SLC15A5: variants seen among roughly 807,000 people sequenced by gnomAD.
The protein encoded by SLC15A5 is Peptide/histidine transporter ENSP00000340402.
Under a neutral mutation model 56.1 loss-of-function variants are expected in SLC15A5, and 58 were observed. The ratio of observed to expected loss-of-function variants is 1.03; its 90% confidence interval spans 0.84 to 1.29. SLC15A5 has a LOEUF of 1.29. Among genes scored for constraint, SLC15A5 ranks in the 50% most tolerant of loss-of-function variants. SLC15A5 has a pLI of 0.00. For synonymous variants in SLC15A5, 264 were observed against 250.5 expected (o/e 1.05, Z -0.51); for missense variants, 681 against 672.1 (o/e 1.01, Z -0.15).
chr12:16,207,302 A>C (rs1864029394), intron 7 of SLC15A5, among the ~76,000 whole-genome samples: 1 of 152,174 alleles, frequency 6.6e-6, no homozygotes, highest in Non-Finnish European at 1.5e-5. Context: ...ATATAACAAC[A>C]CTGATTTTTG....
At chr12:16,216,449 A>T (rs1348490583) in intron 7 of SLC15A5, among the ~76,000 whole-genome samples, 1 of 152,206 alleles carries the variant, frequency 6.6e-6, no homozygotes. Context: ...TTAAAATATC[A>T]TTTATTATTC....
intron 7 of SLC15A5, among the ~76,000 whole-genome samples, chr12:16,214,359 C>G (rs1316109017): frequency 1.3e-5 from 2 of 152,128 alleles, no homozygotes; most frequent in African/African-American, 2.4e-5. Context: ...CCCTCAGTCC[C>G]CACCTGATAG....
chr12:16,216,183 A>G (rs1304217392), intron 7 of SLC15A5, among the ~76,000 whole-genome samples: 1 of 152,202 alleles, frequency 6.6e-6, no homozygotes, highest in Non-Finnish European at 1.5e-5. Flanking sequence ...TTAAAATTAA[A>G]GATATATCGA....
chr12:16,220,220 C>T (rs1226086658), intron 6 of SLC15A5, among the ~76,000 whole-genome samples: 3 of 152,174 alleles, frequency 2.0e-5, no homozygotes, highest in African/African-American at 7.2e-5. Context: ...AGCTTTGAAG[C>T]TCATGTTATC....
In SLC15A5 at chr12:16,269,054, T is replaced by G. The variant is rs947521837; in HGVS notation, c.584+3507A>C. The stretch of plus-strand genomic sequence containing the variant: ...AAGACACAGTGAGAAGCCAGCAGTC[T>G]TACAGCCAGGAAGAGAACCCTCACC... On this transcript the variant is annotated intron_variant, in intron 2 of 8. Transcript: ENST00000344941. The surrounding 1 kb of genome is among the most constrained non-coding windows in gnomAD (Gnocchi z 4.7). Among the ~76,000 whole-genome samples, 1 of 151,868 alleles carries G rather than the reference T, an allele frequency of 6.6e-6. No individual in the cohort carries two copies. The highest frequency in any genetic ancestry group is 1.5e-5 in the Non-Finnish European group (1 of 67,988).
At chr12:16,255,713 T>C (rs1864565199) in intron 3 of SLC15A5, among the ~76,000 whole-genome samples, 1 of 152,074 alleles carries the variant, frequency 6.6e-6, no homozygotes, top group Admixed American at 6.5e-5. Context: ...TCTATCCATA[T>C]GGAACTGGTA....
chr12:16,205,795 G>A (rs1483835996), intron 7 of SLC15A5, among the ~76,000 whole-genome samples: 1 of 151,692 alleles, frequency 6.6e-6, no homozygotes, highest in Non-Finnish European at 1.5e-5. Context: ...TCTCTCTTTG[G>A]AGAAAGATGC....
At position 16,237,587 on chromosome 12, in the gene SLC15A5, G is replaced by C. The variant is rs1163381153; in HGVS notation, c.1162+2094C>G. Among the ~76,000 whole-genome samples, 1 of 152,218 alleles carries C rather than the reference G, an allele frequency of 6.6e-6. No individual in the cohort carries two copies. Among genetic ancestry groups the C allele is most frequent in the East Asian group, 1.9e-4 (1 of 5,204 alleles). On this transcript the variant is annotated intron_variant, in intron 5 of 8. Transcript: ENST00000344941. This position sits in a 1 kb window ranked among gnomAD's most constrained non-coding sequence, Gnocchi z 4.1. ...AAAAAAGTACTCTTCTTTAGGAAGA[G>C]ATGTGATTTCAAATATGCAGGAGTA...
At chr12:16,213,325 A>T (rs559555453) in intron 7 of SLC15A5, among the ~76,000 whole-genome samples, 2 of 152,176 alleles carry the variant, frequency 1.3e-5, no homozygotes, top group African/African-American at 4.8e-5. Flanking sequence ...ATTTATTATC[A>T]TTACTGAAAT....
chr12:16,212,986 A>T (rs935983606), intron 7 of SLC15A5, among the ~76,000 whole-genome samples: 1 of 152,176 alleles, frequency 6.6e-6, no homozygotes, highest in Admixed American at 6.5e-5. Context: ...CATAAGCAGG[A>T]TGCAACTGTG....
intron 3 of SLC15A5, among the ~76,000 whole-genome samples, chr12:16,248,488 T>C (rs1266674144): frequency 1.3e-5 from 2 of 151,878 alleles, no homozygotes; most frequent in African/African-American, 4.8e-5. Flanking sequence ...AGTGGTGAAG[T>C]AATAAACCTA....
At chr12:16,240,090 C>T (rs1405049544) in intron 4 of SLC15A5, among the ~76,000 whole-genome samples, 1 of 152,158 alleles carries the variant, frequency 6.6e-6, no homozygotes, top group African/African-American at 2.4e-5. Flanking sequence ...TCATGAAATA[C>T]TCTATCATCA....
intron 3 of SLC15A5, among the ~76,000 whole-genome samples, chr12:16,247,093 T>G (rs549855800): frequency 6.6e-6 from 1 of 152,328 alleles, no homozygotes; most frequent in East Asian, 1.9e-4. Context: ...TCTTAGTGTC[T>G]GTATTTATTT....
chr12:16,251,773 A>T (rs1421481177), intron 3 of SLC15A5, among the ~76,000 whole-genome samples: 1 of 121,328 alleles, frequency 8.2e-6, no homozygotes, highest in Non-Finnish European at 1.7e-5. Context: ...TTTTTCTTCA[A>T]CTCTTCCAAA....
At chr12:16,255,792 A>T (rs1864566241) in intron 3 of SLC15A5, among the ~76,000 whole-genome samples, 1 of 152,090 alleles carries the variant, frequency 6.6e-6, no homozygotes, top group Non-Finnish European at 1.5e-5. Flanking sequence ...TACTAAGTAA[A>T]AAAAAAGCAA....
At chr12:16,253,244 T>C (rs776832343) in intron 3 of SLC15A5, among the ~76,000 whole-genome samples, 24 of 151,704 alleles carry the variant, frequency 1.6e-4, no homozygotes, top group Admixed American at 4.6e-4. Context: ...GACATGACAA[T>C]AAAACACAGG....
At chr12:16,274,970 C>G (rs1392563399) in intron 1 of SLC15A5, among the ~76,000 whole-genome samples, 2 of 152,032 alleles carry the variant, frequency 1.3e-5, no homozygotes, top group East Asian at 3.9e-4. Context: ...AATTGTGTAT[C>G]TCATCATCAG....
intron 2 of SLC15A5, among the ~76,000 whole-genome samples, chr12:16,262,395 C>A (rs546164300): frequency 6.6e-6 from 1 of 152,212 alleles, no homozygotes; most frequent in South Asian, 2.1e-4. Context: ...GACTGGTAGT[C>A]CAAAGACATG....
intron 5 of SLC15A5, among the ~76,000 whole-genome samples, chr12:16,236,185 T>A (rs1864350322): frequency 6.6e-6 from 1 of 152,160 alleles, no homozygotes; most frequent in Non-Finnish European, 1.5e-5. Context: ...TACTGCAGGA[T>A]TTTAATTAAT....
Sources: allele counts gnomAD v4.1 joint callset (sites outside exome capture counted in the v4.1 genomes callset), GRCh38; gene constraint gnomAD v4.1.1; non-coding constraint Gnocchi (gnomAD v3.1); transcripts MANE v1.5; gene names NCBI Gene and HGNC (gene_info 2026-07-23, HGNC 2026-07-21).